DLG2: variants seen among roughly 807,000 people sequenced by gnomAD.
DLG2 encodes the protein discs large MAGUK scaffold protein 2.
A neutral mutation model predicts 132.5 loss-of-function variants in DLG2; 45 were observed. The ratio of observed to expected loss-of-function variants is 0.34; its 90% CI spans 0.27 to 0.44. The LOEUF is 0.44. Among genes scored for constraint, DLG2 ranks in the 20% least tolerant of loss-of-function variants. DLG2 has a pLI of 1.00. For missense variants in DLG2, 1,045 were observed against 1,196.9 expected (o/e 0.87, Z 1.87); for synonymous variants, 424 against 419.6 (o/e 1.01, Z -0.13).
chr11:85,430,226 T>G (rs937530608), intron 3 of DLG2, among the ~76,000 whole-genome samples: 1 of 139,190 alleles, frequency 7.2e-6, no homozygotes, highest in Non-Finnish European at 1.6e-5. Context: ...GGGGGAGGGA[T>G]AGCATTAGGA....
rs2048482997 is a variant in DLG2, at chr11:84,934,515, G to GTTTT, written c.357+177142_357+177145dup. Among the ~76,000 whole-genome samples the GTTTT allele has an allele frequency of 4.9e-5, 2 of 40,478 alleles. 1 individual carries two copies. The highest frequency in any genetic ancestry group is 2.1e-4 in the African/African-American group (2 of 9,650). 26.6% of individuals were successfully genotyped at this position (40,478 alleles called of 152,430 possible). A position where few individuals can be genotyped will look rare whatever the true frequency, so the allele number is the denominator to read the frequency against. On this transcript the variant is annotated intron_variant, in intron 6 of 27. Transcript: ENST00000376104. Reference sequence around the variant, plus strand: ...GTATGGTCCTGGGTGTTTTTTTTTTGTTTTGTTTTGTTTTTTTTTTTTTTT... The same window carrying GTTTT: ...GTATGGTCCTGGGTGTTTTTTTTTTGTTTTTTTTGTTTTGTTTTTTTTTTTTTTT...
chr11:85,589,439 A>C (rs1286253053), intron 3 of DLG2, among the ~76,000 whole-genome samples: 1 of 152,078 alleles, frequency 6.6e-6, no homozygotes, highest in Non-Finnish European at 1.5e-5. Flanking sequence ...CCAAAAGTTT[A>C]TGTCTTTCAT....
chr11:83,844,948 G>A (rs542945609), intron 16 of DLG2, among the ~76,000 whole-genome samples: 16 of 152,270 alleles, frequency 1.1e-4, no homozygotes, highest in African/African-American at 3.9e-4. Context: ...TGAGAGCAAT[G>A]TGCTAGTTAT....
At chr11:84,068,094 A>G (rs1188706587) in intron 10 of DLG2, among the ~76,000 whole-genome samples, 2 of 152,190 alleles carry the variant, frequency 1.3e-5, no homozygotes, top group African/African-American at 4.8e-5. Context: ...TTAATATTAG[A>G]GGCCATTTTC....
chr11:85,494,541 T>C (rs915475576), intron 3 of DLG2, among the ~76,000 whole-genome samples: 9 of 151,882 alleles, frequency 5.9e-5, no homozygotes, highest in African/African-American at 1.9e-4. Context: ...AGTGGCTTTT[T>C]TTTAATCTTA....
At chr11:84,725,167 T>C (rs1350040891) in intron 6 of DLG2, among the ~76,000 whole-genome samples, 1 of 152,166 alleles carries the variant, frequency 6.6e-6, no homozygotes, top group Non-Finnish European at 1.5e-5. Context: ...TTTGAGGATC[T>C]AAGGTCTTAA....
intron 4 of DLG2, among the ~76,000 whole-genome samples, chr11:85,224,062 C>T (rs977620024): frequency 6.6e-6 from 1 of 152,082 alleles, no homozygotes; most frequent in Non-Finnish European, 1.5e-5. Flanking sequence ...AATTTTATTA[C>T]CTACCACTTA....
intron 17 of DLG2, among the ~76,000 whole-genome samples, chr11:83,817,540 CTTTAAT>C (rs369456530): frequency 1.9e-4 from 29 of 152,198 alleles, no homozygotes; most frequent in African/African-American, 6.5e-4. Flanking sequence ...GAATGTATGC[CTTTAAT>C]TTTAATTTCT....
intron 15 of DLG2, among the ~76,000 whole-genome samples, chr11:83,918,799 C>T (rs1430140596): frequency 2.0e-5 from 3 of 151,790 alleles, no homozygotes; most frequent in Non-Finnish European, 2.9e-5. Flanking sequence ...ACATGAGACT[C>T]CCCTCTGTGA....
intron 4 of DLG2, among the ~76,000 whole-genome samples, chr11:85,242,411 C>G (rs547978858): frequency 6.6e-6 from 1 of 151,822 alleles, no homozygotes; most frequent in East Asian, 1.9e-4. Context: ...GTACCCATTA[C>G]TCTTAGATTA....
intron 6 of DLG2, among the ~76,000 whole-genome samples, chr11:84,917,907 T>C (rs1015307700): frequency 2.6e-5 from 4 of 152,152 alleles, no homozygotes; most frequent in Non-Finnish European, 4.4e-5. Context: ...AGAGAGTTAT[T>C]CAACTGGAAC....
chr11:84,952,410 G>A (rs538445748), intron 6 of DLG2, among the ~76,000 whole-genome samples: 2 of 152,036 alleles, frequency 1.3e-5, no homozygotes, highest in Non-Finnish European at 2.9e-5. Flanking sequence ...CCAGCTACTC[G>A]GGAGGCTGAG....
intron 6 of DLG2, among the ~76,000 whole-genome samples, chr11:85,048,230 A>C (rs1200405009): frequency 2.0e-5 from 3 of 151,960 alleles, no homozygotes; most frequent in African/African-American, 7.2e-5. Context: ...TAACAAGAAA[A>C]CTAACCATCT....
At chr11:85,419,512 A>G (rs1385272904) in intron 3 of DLG2, among the ~76,000 whole-genome samples, 1 of 152,186 alleles carries the variant, frequency 6.6e-6, no homozygotes, top group Non-Finnish European at 1.5e-5. Flanking sequence ...AATATCCTGA[A>G]GCGCAAGCAT....
At chr11:84,438,911 A>G (rs1396738725) in intron 7 of DLG2, among the ~76,000 whole-genome samples, 3 of 152,326 alleles carry the variant, frequency 2.0e-5, no homozygotes, top group Non-Finnish European at 4.4e-5. Context: ...CTTGGAAAAG[A>G]ACTTCCTTCT....
At chr11:83,957,413 C>T (rs2087166177) in intron 14 of DLG2, among the ~76,000 whole-genome samples, 1 of 152,162 alleles carries the variant, frequency 6.6e-6, no homozygotes. Context: ...GGAACATGGG[C>T]TATTAAACCT....
chr11:85,332,849 T>C (rs1026720011), intron 3 of DLG2, among the ~76,000 whole-genome samples: 1 of 152,226 alleles, frequency 6.6e-6, no homozygotes, highest in Admixed American at 6.5e-5. Context: ...TTTTGGTTAC[T>C]GTAGACTTGT....
intron 10 of DLG2, among the ~76,000 whole-genome samples, chr11:84,081,072 C>G (rs1175125909): frequency 6.6e-6 from 1 of 151,210 alleles, no homozygotes; most frequent in Non-Finnish European, 1.5e-5. Flanking sequence ...CTAAATCAGA[C>G]TATAATATTT....
At chr11:85,521,859 A>G (rs1481199041) in intron 3 of DLG2, among the ~76,000 whole-genome samples, 1 of 152,220 alleles carries the variant, frequency 6.6e-6, no homozygotes, top group African/African-American at 2.4e-5. Context: ...GATATCTGGC[A>G]GAACACATTT....
Sources: gnomAD v4.1 joint callset for allele counts (sites outside exome capture counted in the v4.1 genomes callset) on GRCh38, gnomAD v4.1.1 for gene constraint, MANE v1.5 for transcripts, NCBI Gene and HGNC (gene_info 2026-07-23, HGNC 2026-07-21) for gene names.